NKTR: variants seen among roughly 807,000 people sequenced by gnomAD.
NKTR encodes the protein NK-tumor recognition protein.
A neutral mutation model predicts 156.3 loss-of-function variants in NKTR; 67 were observed. The observed-to-expected ratio is 0.43, with a 90% CI of 0.35 to 0.53. NKTR has a LOEUF of 0.53. Ranked by LOEUF, NKTR falls within the 20% of genes least tolerant of loss-of-function variation. The probability of loss-of-function intolerance (pLI) is 0.01; values close to 1 mark genes in which losing one functional copy is unlikely to be tolerated. For missense variants in NKTR, 1,604 were observed against 1,730.9 expected (o/e 0.93, Z 1.30); for synonymous variants, 640 against 596.6 (o/e 1.07, Z -1.06).
At chr3:42,627,890 T>C (rs1374637498) in intron 6 of NKTR, 1 of 985,200 alleles carries the variant, frequency 1.0e-6, no homozygotes, top group African/African-American at 1.7e-5. Context: ...CAATTTTTCT[T>C]TTAATTGAAG....
At chr3:42,633,423 G>T in intron 9 of NKTR, 157 bp from the exon 10 acceptor site, 1 of 1,397,626 alleles carries the variant, frequency 7.2e-7, no homozygotes, top group South Asian at 1.7e-5. Context: ...TTTTCACTGG[G>T]TTGATATTGT....
rs1397854668 is a variant in NKTR, at chr3:42,635,251, T to A, written c.1048T>A (p.Cys350Ser). The change falls in exon 12 of 17, where the codon TGT (cysteine) becomes AGT (serine). Residue 350 changes from cysteine (C) to serine (S), a missense_variant. Transcript: ENST00000232978. ...TCACACACCTCCAAGATCAAGATCCTGTTCTGAGTCAGATGATGATGACAG... is the reference window on the plus strand; with the variant it reads ...TCACACACCTCCAAGATCAAGATCCAGTTCTGAGTCAGATGATGATGACAG... The part of the protein sequence containing the change: ...RYHTPPRSRS[C>S]SESDDDDSSE... 6.2e-7 allele frequency: 1 copy of A among 1,613,654 alleles called. No homozygotes were observed. The highest frequency in any genetic ancestry group is 1.1e-5 in the South Asian group (1 of 91,000).
At position 42,637,507 on chromosome 3, in the gene NKTR, A is replaced by G; in HGVS notation, c.1803A>G (p.Val601=). ...QNENVVVQPV[V]AENIPVIPLS... is the part of the protein sequence containing the mutation. ...AAAATGTAGTAGTACAACCAGTTGT[A>G]GCAGAAAATATTCCTGTAATACCAC... The change falls in exon 13 of 17, where the codon GTA becomes GTG. Residue 601 remains valine, a synonymous_variant. Transcript: ENST00000232978. The G allele has an allele frequency of 6.2e-7, 1 of 1,614,124 alleles. No homozygotes were observed. The highest frequency in any genetic ancestry group is 1.1e-5 in the South Asian group (1 of 91,074).
intron 6 of NKTR, among the ~76,000 whole-genome samples, chr3:42,626,159 A>G (rs1577505710): frequency 7.0e-6 from 1 of 141,882 alleles, no homozygotes; most frequent in African/African-American, 2.9e-5. Flanking sequence ...TTACACCTAC[A>G]GTCACTTATT....
At position 42,638,937 on chromosome 3, in the gene NKTR, A is replaced by C; in HGVS notation, c.3233A>C (p.Asp1078Ala). Residue 1078 changes from aspartate (D) to alanine (A), a missense_variant, in exon 13 of 17, where the codon GAT (aspartate) becomes GCT (alanine). By Grantham distance (126) the Asp-to-Ala change is moderately radical. Coordinates refer to ENST00000232978, the MANE Select transcript of NKTR (RefSeq NM_005385.4). ...GKHDTVTVSS[D>A]LDQFTKDDSK... ...CATGATACAGTGACTGTTTCATCAG[A>C]TCTTGATCAGTTTACTAAAGATGAT... is the stretch of plus-strand genomic sequence containing the variant. 1.2e-6 allele frequency: 2 copies of C among 1,613,380 alleles called. No individual in the cohort carries two copies. Among genetic ancestry groups the C allele is most frequent in the South Asian group, 1.1e-5 (1 of 91,012 alleles).
rs1708295678 is a variant in NKTR at position 42,625,539 on chromosome 3, A to G, written c.374+4023A>G. Among the ~76,000 whole-genome samples the G allele has an allele frequency of 2.6e-5, 4 of 152,236 alleles. No individual in the cohort carries two copies. In the South Asian group the frequency reaches 8.3e-4, roughly 32 times the overall value. On this transcript the variant is annotated intron_variant, in intron 6 of 16. Coordinates refer to ENST00000232978, the MANE Select transcript of NKTR (RefSeq NM_005385.4). ...TATTACAAAGTAGTGGAGCAAGGAG[A>G]GTTGAGGAGTAGTTGGTTTTAAGGG...
intron 2 of NKTR, 176 bp downstream of exon 2, chr3:42,601,240 C>G (rs990050795): frequency 4.1e-6 from 2 of 490,654 alleles, no homozygotes; most frequent in Admixed American, 8.1e-5. Context: ...GGGCACACCC[C>G]TAACTCGCAG....
intron 2 of NKTR, among the ~76,000 whole-genome samples, chr3:42,617,307 A>G (rs1187852645): frequency 6.6e-6 from 1 of 152,218 alleles, no homozygotes; most frequent in African/African-American, 2.4e-5. Context: ...TAATAATACA[A>G]AGTTCCTTTA....
At position 42,637,296 on chromosome 3, in the gene NKTR, G is replaced by A. The variant is rs1454132485; in HGVS notation, c.1592G>A (p.Gly531Glu). The change falls in exon 13 of 17, where the codon GGA becomes GAA. Residue 531 changes from glycine to glutamate, a missense_variant. Coordinates refer to ENST00000232978, the MANE Select transcript of NKTR (RefSeq NM_005385.4). ...SKSHSQSYSRGSSRSRTASKS... is the reference protein window; with the variant it reads ...SKSHSQSYSRESSRSRTASKS... ...TCTCACTCACAGTCTTATTCTAGAG[G>A]AAGCTCAAGATCAAGGACTGCGTCA... 1.2e-6 allele frequency: 2 copies of A among 1,614,038 alleles called. No homozygotes were observed. The highest frequency in any genetic ancestry group is 1.6e-4 in the Middle Eastern group (1 of 6,062).
chr3:42,601,033 C>T lies in NKTR; in HGVS notation c.27C>T (p.Cys9=), dbSNP rs774903594. 6.3e-7 allele frequency: 1 copy of T among 1,582,744 alleles called. No individual in the cohort carries two copies. The change falls in exon 2 of 17, where the codon TGC becomes TGT. Residue 9 remains cysteine, a synonymous_variant. Coordinates refer to ENST00000232978, the MANE Select transcript of NKTR (RefSeq NM_005385.4). MGAQDRPQ[C]HFDIEINREP... is the part of the protein sequence containing the mutation. Reference sequence around the variant, plus strand: ...TGGGGGCGCAGGACCGGCCGCAGTGCCACTTCGACATCGAGATCAACCGGG... The same window carrying T: ...TGGGGGCGCAGGACCGGCCGCAGTGTCACTTCGACATCGAGATCAACCGGG...
intron 13 of NKTR, among the ~76,000 whole-genome samples, chr3:42,641,857 G>A (rs1269090305): frequency 2.7e-5 from 4 of 147,308 alleles, no homozygotes; most frequent in Middle Eastern, 3.7e-3. Context: ...CAGCCTGGGC[G>A]ACAGAGCAAG....
chr3:42,621,651 A>G, intron 6 of NKTR, 135 bp downstream of exon 6: 1 of 909,982 alleles, frequency 1.1e-6, no homozygotes, highest in Non-Finnish European at 1.6e-6. Context: ...CTAATATCAT[A>G]GTAACTTATA....
intron 10 of NKTR, among the ~76,000 whole-genome samples, chr3:42,634,117 T>TGGGTTCCAATTTGAATA (rs1709168539): frequency 6.6e-6 from 1 of 152,288 alleles, no homozygotes; most frequent in South Asian, 2.1e-4. Context: ...TGATGAAGCA[T>TGGGTTCCAATTTGAATA]GGGTTCCAAT....
chr3:42,611,946 C>CA (rs1706863596), intron 2 of NKTR, among the ~76,000 whole-genome samples: 1 of 151,512 alleles, frequency 6.6e-6, no homozygotes, highest in Non-Finnish European at 1.5e-5. Context: ...ACAAAAAATA[C>CA]AAAAATTAGC....
At chr3:42,635,470 TC>T (rs1398851661) in intron 12 of NKTR, 104 bp downstream of exon 12, 3 of 901,410 alleles carry the variant, frequency 3.3e-6, no homozygotes, top group Non-Finnish European at 4.9e-6. Context: ...AGTGAAAGAT[TC>T]ACAGTCAGAC....
intron 6 of NKTR, chr3:42,629,877 A>G: frequency 1.0e-6 from 1 of 985,434 alleles, no homozygotes; most frequent in Non-Finnish European, 1.2e-6. Context: ...GGCCAAGGAA[A>G]TTTAAAATGT....
At chr3:42,616,585 A>C (rs1707388718) in intron 2 of NKTR, among the ~76,000 whole-genome samples, 1 of 152,226 alleles carries the variant, frequency 6.6e-6, no homozygotes, top group African/African-American at 2.4e-5. Flanking sequence ...TGAACTACAT[A>C]AACAAAAGCT....
intron 6 of NKTR, chr3:42,629,636 ATC>A (rs991395628): frequency 2.0e-5 from 20 of 977,492 alleles, no homozygotes; most frequent in Non-Finnish European, 1.8e-5. Context: ...GCTCTTAAAT[ATC>A]TGTTTCTCAT....
intron 7 of NKTR, 146 bp from the exon 8 acceptor site, chr3:42,631,025 C>T (rs1477624620): frequency 1.1e-5 from 16 of 1,417,324 alleles, no homozygotes; most frequent in African/African-American, 2.9e-5. Flanking sequence ...TTCAAGTTCT[C>T]ATTCCATTCT....
Sources: allele counts gnomAD v4.1 joint callset (sites outside exome capture counted in the v4.1 genomes callset), GRCh38; gene constraint gnomAD v4.1.1; transcripts MANE v1.5; gene names NCBI Gene and HGNC (gene_info 2026-07-23, HGNC 2026-07-21).